RET: variants seen among roughly 807,000 people sequenced by gnomAD.
The protein encoded by RET is proto-oncogene tyrosine-protein kinase receptor Ret.
RET carries 19 observed loss-of-function variants against 118.3 expected under a neutral mutation model. The observed-to-expected ratio is 0.16, with a 90% CI of 0.11 to 0.24. The LOEUF (loss-of-function observed/expected upper bound fraction) is 0.24. Ranked by LOEUF, RET falls within the 10% of genes least tolerant of loss-of-function variation. The pLI is 1.00. For missense variants in RET, 1,219 were observed against 1,502.1 expected (o/e 0.81, Z 3.12); for synonymous variants, 597 against 644.1 (o/e 0.93, Z 1.11).
intron 19 of RET, chr10:43,127,191 C>G (rs1173786392): frequency 9.2e-6 from 10 of 1,088,068 alleles, no homozygotes; most frequent in Non-Finnish European, 1.1e-5. Flanking sequence ...AGGCAGGTGC[C>G]TCTCAGAGGC....
rs772756436 is a variant in RET, at chr10:43,126,560, A to T, written c.3040-15A>T. 6.2e-7 allele frequency: 1 copy of T among 1,611,972 alleles called. No individual in the cohort carries two copies. Among genetic ancestry groups the T allele is most frequent in the Non-Finnish European group, 8.5e-7 (1 of 1,178,716 alleles). On this transcript the variant is annotated splice_polypyrimidine_tract_variant and intron_variant, in intron 18 of 19. Coordinates refer to ENST00000355710, the MANE Select transcript of RET (RefSeq NM_020975.6). ...GGCACATGGCTTGGAGTGACCGGCC[A>T]TCTCTGTCTTCCAGGACTACTTGGA...
rs770100231 is a variant in RET at position 43,114,618 on chromosome 10, A to C, written c.2018A>C (p.Glu673Ala). 5.0e-6 allele frequency: 8 copies of C among 1,612,840 alleles called. No homozygotes were observed. The highest frequency in any genetic ancestry group is 4.0e-5 in the African/African-American group (3 of 74,820). ...CACAAGCCACCCATCTCCTCAGCTGAGATGACCTTCCGGAGGCCCGCCCAG... is the reference window on the plus strand; with the variant it reads ...CACAAGCCACCCATCTCCTCAGCTGCGATGACCTTCCGGAGGCCCGCCCAG... ...FAHKPPISSA[E>A]MTFRRPAQAF... Residue 673 changes from glutamate (E) to alanine (A), a missense_variant, in exon 11 of 20, where the codon GAG (glutamate) becomes GCG (alanine). This residue lies in a region of RET where 850 missense variants were observed against 969.6 expected (regional missense o/e 0.88). Coordinates refer to ENST00000355710, the MANE Select transcript of RET (RefSeq NM_020975.6). This position sits in a 1 kb window ranked among gnomAD's most constrained non-coding sequence, Gnocchi z 4.6.
rs2075913 is a variant in RET at position 43,126,920 on chromosome 10, T to A, written c.3187+198T>A. 0.75 allele frequency: 1,075,488 copies of A among 1,436,214 alleles called. 407,434 individuals are homozygous for A. Among genetic ancestry groups the A allele is most frequent in the African/African-American group, 0.81 (56,872 of 69,838 alleles). 89.0% of individuals were successfully genotyped at this position (1,436,214 alleles called of 1,614,324 possible). On this transcript the variant is annotated intron_variant, in intron 19 of 19. Transcript: ENST00000355710. Reference sequence around the variant, plus strand: ...TTGCAACTATGTTTTTCTAAAAGGATGTGAAAATAAGTGTAATTACCACAT... The same window carrying A: ...TTGCAACTATGTTTTTCTAAAAGGAAGTGAAAATAAGTGTAATTACCACAT...
chr10:43,111,998 T>C (rs1554818603), intron 7 of RET, 101 bp from the exon 8 acceptor site: 1 of 1,505,072 alleles, frequency 6.6e-7, no homozygotes, highest in Non-Finnish European at 8.9e-7. Context: ...TTGGGCTCCA[T>C]CCGTGGGCAG....
At position 43,113,735 on chromosome 10, in the gene RET, A is replaced by G. The variant is rs1837999073; in HGVS notation, c.1879+60A>G. 38 of 1,603,186 alleles carry G rather than the reference A, an allele frequency of 2.4e-5. 1 individual carries two copies. In the South Asian group the frequency reaches 3.8e-4, roughly 16 times the overall value. On this transcript the variant is annotated intron_variant, in intron 10 of 19. Transcript: ENST00000355710. ...CCAGCCCCACAGAGGTCTCAACAGC[A>G]CATCTGAGGTCCCAACAAGGGAGGA...
chr10:43,122,132 A>G (rs1192530403), intron 16 of RET, 116 bp downstream of exon 16: 1 of 834,230 alleles, frequency 1.2e-6, no homozygotes, highest in Non-Finnish European at 2.1e-6. Flanking sequence ...GGCCCTGAGC[A>G]CCTGTCTGCA....
At chr10:43,095,240 T>C (rs151209254) in intron 1 of RET, among the ~76,000 whole-genome samples, 220 of 152,176 alleles carry the variant, frequency 1.4e-3, no homozygotes, top group African/African-American at 5.1e-3. Flanking sequence ...ATGGGCTGCA[T>C]CAGTGCCGAG....
chr10:43,104,609 C>A, intron 3 of RET: 1 of 456,678 alleles, frequency 2.2e-6, no homozygotes, highest in South Asian at 2.4e-5. Flanking sequence ...CCACACAAGG[C>A]CACTCCTGAT....
At chr10:43,112,645 G>T (rs539164630) in intron 8 of RET, among the ~76,000 whole-genome samples, 1 of 152,164 alleles carries the variant, frequency 6.6e-6, no homozygotes, top group Non-Finnish European at 1.5e-5. Context: ...TTGCTGTAAG[G>T]GCCACCTGTG....
chr10:43,105,344 C>G, intron 4 of RET, 151 bp downstream of exon 4: 1 of 1,265,126 alleles, frequency 7.9e-7, no homozygotes, highest in Non-Finnish European at 1.1e-6. Flanking sequence ...GCCGTCTGTC[C>G]TAGGGGGAGG....
rs1467660660 is a variant in RET at position 43,106,547 on chromosome 10, G to A, written c.1039G>A (p.Val347Met). Residue 347 changes from valine to methionine, a missense_variant, in exon 5 of 20, where the codon GTG (valine) becomes ATG (methionine). Val to Met is a conservative substitution (Grantham distance 21). Coordinates refer to ENST00000355710, the MANE Select transcript of RET (RefSeq NM_020975.6). The surrounding 1 kb of genome is among the most constrained non-coding windows in gnomAD (Gnocchi z 5.1). ...CTCGGTCCAGGCCAACGGCAGCTTC[G>A]TGCGGGCGACCGTACATGACTATAG... Reference protein sequence around the residue: ...ETSVQANGSFVRATVHDYRLV... With the variant: ...ETSVQANGSFMRATVHDYRLV... 2 of 1,613,634 alleles carry A rather than the reference G, an allele frequency of 1.2e-6. No individual in the cohort carries two copies. The highest frequency in any genetic ancestry group is 2.2e-5 in the East Asian group (1 of 44,872).
chr10:43,115,057 T>C (rs576994680), intron 11 of RET, among the ~76,000 whole-genome samples: 2 of 152,250 alleles, frequency 1.3e-5, no homozygotes, highest in Admixed American at 1.3e-4. Context: ...CAGGTCTGCA[T>C]GTGCTACTCA....
chr10:43,083,464 C>T (rs755251844), intron 1 of RET, among the ~76,000 whole-genome samples: 9 of 152,198 alleles, frequency 5.9e-5, no homozygotes, highest in Non-Finnish European at 1.2e-4. Context: ...CACCTCCCAG[C>T]CCTTGTGCCT....
At position 43,128,307 on chromosome 10, in the gene RET, G is replaced by T; in HGVS notation, c.*38G>T. ...AAAGGTAATGGACTCACAAGGGGAA[G>T]AAACATGCTGAGAATGGAAAGTCTA... On this transcript the variant is annotated 3_prime_UTR_variant, in exon 20 of 20. Transcript: ENST00000355710. 6.2e-7 allele frequency: 1 copy of T among 1,610,194 alleles called. No homozygotes were observed. The highest frequency in any genetic ancestry group is 8.5e-7 in the Non-Finnish European group (1 of 1,176,452).
rs1588866040 is a variant in RET, at chr10:43,105,038, G to T, written c.712G>T (p.Glu238Ter). 1 of 1,606,168 alleles carries T rather than the reference G, an allele frequency of 6.2e-7. No individual in the cohort carries two copies. The change falls in exon 4 of 20, where the codon GAG becomes TAG. Residue 238 changes from glutamate (E) to a stop codon, truncating the protein, a stop_gained. Coordinates refer to ENST00000355710, the MANE Select transcript of RET (RefSeq NM_020975.6). LOFTEE classifies it high-confidence loss of function. ...GGACCGCGAGCAGCGGGAGAAGTACGAGCTGGTGGCCGTGTGCACCGTGCA... is the reference window on the plus strand; with the variant it reads ...GGACCGCGAGCAGCGGGAGAAGTACTAGCTGGTGGCCGTGTGCACCGTGCA... ...ALDREQREKYELVAVCTVHAG... is the reference protein window; with the variant it reads ...ALDREQREKY
intron 1 of RET, among the ~76,000 whole-genome samples, chr10:43,093,673 A>G (rs1287032107): frequency 6.6e-6 from 1 of 152,036 alleles, no homozygotes; most frequent in Non-Finnish European, 1.5e-5. Flanking sequence ...AGCACCAAAG[A>G]CAGAGGAGGT....
chr10:43,077,475 C>G, intron 1 of RET, 144 bp downstream of exon 1: 1 of 1,002,554 alleles, frequency 1.0e-6, no homozygotes, highest in Non-Finnish European at 1.3e-6. Context: ...CGGCTGGGAG[C>G]GCAGTGGCTG....
rs1838073103 is a variant in RET at position 43,116,506 on chromosome 10, A to T, written c.2137-78A>T. The T allele has an allele frequency of 3.8e-6, 6 of 1,558,812 alleles. No homozygotes were observed. In the Admixed American group the frequency reaches 8.3e-5, roughly 22 times the overall value. On this transcript the variant is annotated intron_variant, in intron 11 of 19. Transcript: ENST00000355710. ...GAACTTGTCCATGGGGCCTCCTTTA[A>T]GGGTCTTGCCTTCTTCCTCCCCTGT...
chr10:43,111,561 T>C (rs1046094357), intron 7 of RET, 96 bp downstream of exon 7: 1 of 1,392,316 alleles, frequency 7.2e-7, no homozygotes, highest in Non-Finnish European at 9.7e-7. Flanking sequence ...GCTGCAAGGC[T>C]TAGCTGGGGA....
Sources: allele counts gnomAD v4.1 joint callset (sites outside exome capture counted in the v4.1 genomes callset), GRCh38; gene constraint gnomAD v4.1.1; regional missense constraint gnomAD v4.1.1; non-coding constraint Gnocchi (gnomAD v3.1); transcripts MANE v1.5; gene names NCBI Gene and HGNC (gene_info 2026-07-23, HGNC 2026-07-21).